The following RASGEF1C variants were observed in gnomAD, a reference collection of about 807,000 sequenced individuals.
RASGEF1C encodes RasGEF domain family member 1C.
In RASGEF1C, 27 loss-of-function variants were observed where a neutral mutation model predicts 58.1. The ratio of observed to expected loss-of-function variants is 0.46; its 90% CI spans 0.34 to 0.64. The LOEUF is 0.64. Among genes scored for constraint, RASGEF1C ranks in the 30% least tolerant of loss-of-function variants. RASGEF1C has a pLI of 0.01. For missense variants in RASGEF1C, 502 were observed against 605.1 expected (o/e 0.83, Z 1.79); for synonymous variants, 243 against 246.3 (o/e 0.99, Z 0.13).
chr5:180,128,642 G>A, intron 4 of RASGEF1C, 32 bp from the exon 5 acceptor site: 2 of 1,601,632 alleles, frequency 1.2e-6, no homozygotes, highest in Non-Finnish European at 1.7e-6. Context: ...GCTCAGGACT[G>A]AACACTCATC....
At chr5:180,129,885 A>G (rs545044483) in intron 4 of RASGEF1C, among the ~76,000 whole-genome samples, 2 of 152,298 alleles carry the variant, frequency 1.3e-5, no homozygotes, top group East Asian at 3.9e-4. Flanking sequence ...TTCCTTGGAA[A>G]TAGGGGTTTC....
At position 180,101,360 on chromosome 5, in the gene RASGEF1C, G is replaced by T; in HGVS notation, c.*141C>A. On this transcript the variant is annotated 3_prime_UTR_variant, in exon 14 of 14. Coordinates refer to ENST00000361132, the MANE Select transcript of RASGEF1C (RefSeq NM_175062.4). ...GCCCGTATGGCCACTGTGGGGGGGG[G>T]GGGGGCGGGCAGCAGGCCACAGGGT... is the stretch of plus-strand genomic sequence containing the variant. 6.4e-6 allele frequency: 6 copies of T among 943,606 alleles called. No individual in the cohort carries two copies. Among genetic ancestry groups the T allele is most frequent in the South Asian group, 3.0e-5 (2 of 65,766 alleles). The allele number at this position is 943,606 out of a possible 1,614,324, so 58.5% of individuals were successfully genotyped here.
rs1766492864 is a variant in RASGEF1C at position 180,137,023 on chromosome 5, C to T, written c.301-508G>A. Among the ~76,000 whole-genome samples the T allele has an allele frequency of 6.6e-6, 1 of 152,148 alleles. No individual in the cohort carries two copies. Among genetic ancestry groups the T allele is most frequent in the South Asian group, 2.1e-4 (1 of 4,832 alleles). Reference sequence around the variant, plus strand: ...TGGAGGCGGCCAAGCGCCACACCAGCCAGCCCGAGGGAGGCCAGCCCCGGG... The same window carrying T: ...TGGAGGCGGCCAAGCGCCACACCAGTCAGCCCGAGGGAGGCCAGCCCCGGG... On this transcript the variant is annotated intron_variant, in intron 3 of 13. Transcript: ENST00000361132. The surrounding 1 kb of genome is among the most constrained non-coding windows in gnomAD (Gnocchi z 4.1).
rs1582263939 is a variant in RASGEF1C, at chr5:180,116,977, A to G, written c.1083+1632T>C. On this transcript the variant is annotated intron_variant, in intron 10 of 13. Coordinates refer to ENST00000361132, the MANE Select transcript of RASGEF1C (RefSeq NM_175062.4). ...CGAGACTCAGTCTGCTGATCTGGGA[A>G]TTGGCAATGCTGATGCCCCCATAGA... Among the ~76,000 whole-genome samples, 3 of 152,334 alleles carry G rather than the reference A, an allele frequency of 2.0e-5. No homozygotes were observed. The East Asian group carries it at 5.8e-4, about 29-fold the overall frequency.
intron 1 of RASGEF1C, among the ~76,000 whole-genome samples, chr5:180,144,869 A>G (rs754675984): frequency 1.3e-4 from 20 of 152,232 alleles, no homozygotes; most frequent in Non-Finnish European, 2.2e-4. Flanking sequence ...TATTTTTACC[A>G]TTCTGGGTAC....
chr5:180,169,214 A>G (rs946561668), intron 1 of RASGEF1C, among the ~76,000 whole-genome samples: 5 of 152,356 alleles, frequency 3.3e-5, no homozygotes, highest in Non-Finnish European at 4.4e-5. Context: ...GGAATATAAT[A>G]TTTCATTACA....
At chr5:180,204,829 A>G (rs967305114) in intron 1 of RASGEF1C, among the ~76,000 whole-genome samples, 1 of 152,208 alleles carries the variant, frequency 6.6e-6, no homozygotes, top group Non-Finnish European at 1.5e-5. Context: ...AAGCATAAAA[A>G]TCAGTAGAGA....
intron 12 of RASGEF1C, among the ~76,000 whole-genome samples, chr5:180,104,355 C>G (rs1765842585): frequency 1.3e-5 from 2 of 152,162 alleles, no homozygotes; most frequent in South Asian, 4.1e-4. Context: ...CCCCTTTTTG[C>G]CCATCTGCCA....
rs552987162 is a variant in RASGEF1C at position 180,109,260 on chromosome 5, T to C, written c.1303+2197A>G. On this transcript the variant is annotated intron_variant, in intron 12 of 13. Transcript: ENST00000361132. Reference sequence around the variant, plus strand: ...TCATGAGGTCAGGAGATTGAGACCATCCTGGCTAACATGGTGAAACCCCGT... The same window carrying C: ...TCATGAGGTCAGGAGATTGAGACCACCCTGGCTAACATGGTGAAACCCCGT... Among the ~76,000 whole-genome samples the C allele has an allele frequency of 4.6e-5, 7 of 152,062 alleles. No homozygotes were observed. In the South Asian group the frequency reaches 1.2e-3, roughly 27 times the overall value.
At chr5:180,187,124 T>C (rs1170857627) in intron 1 of RASGEF1C, among the ~76,000 whole-genome samples, 2 of 152,224 alleles carry the variant, frequency 1.3e-5, no homozygotes, top group African/African-American at 4.8e-5. Context: ...AGTGTGGTAC[T>C]GGCCAGTTGA....
At chr5:180,206,545 A>G (rs1277541909) in intron 1 of RASGEF1C, among the ~76,000 whole-genome samples, 1 of 152,244 alleles carries the variant, frequency 6.6e-6, no homozygotes, top group Admixed American at 6.5e-5. Context: ...GGACTAGCTA[A>G]CAAAATAAAT....
chr5:180,118,716 C>T lies in RASGEF1C; in HGVS notation c.988-12G>A, dbSNP rs1561733297. 1.2e-6 allele frequency: 2 copies of T among 1,614,142 alleles called. No homozygotes were observed. The highest frequency in any genetic ancestry group is 1.7e-6 in the Non-Finnish European group (2 of 1,179,980). Reference sequence around the variant, plus strand: ...GGGTCCATCTGGTGCTGGAAGGAGACAGGGAGGCATGTGGGCAGTTCTGTC... The same window carrying T: ...GGGTCCATCTGGTGCTGGAAGGAGATAGGGAGGCATGTGGGCAGTTCTGTC... On this transcript the variant is annotated splice_polypyrimidine_tract_variant and intron_variant, in intron 9 of 13. Transcript: ENST00000361132.
At chr5:180,134,318 G>T (rs1766428970) in intron 4 of RASGEF1C, among the ~76,000 whole-genome samples, 1 of 152,020 alleles carries the variant, frequency 6.6e-6, no homozygotes, top group Non-Finnish European at 1.5e-5. Flanking sequence ...ACACAGCCTG[G>T]TGACAGACCT....
chr5:180,190,521 T>C (rs1392500967), intron 1 of RASGEF1C, among the ~76,000 whole-genome samples: 1 of 117,648 alleles, frequency 8.5e-6, no homozygotes, highest in African/African-American at 3.0e-5. Flanking sequence ...ATAATAATAA[T>C]AATAATAATT....
At position 180,209,172 on chromosome 5, in the gene RASGEF1C, C is replaced by T. The variant is rs1192074222; in HGVS notation, c.-151G>A. ...CCGCCCGACCGCCCGGCTCCCAGCG[C>T]AGCCCGCACGAGCGCCTGGCGGCGG... On this transcript the variant is annotated 5_prime_UTR_variant, in exon 1 of 14. Coordinates refer to ENST00000361132, the MANE Select transcript of RASGEF1C (RefSeq NM_175062.4). 2 of 146,784 alleles carry T rather than the reference C, an allele frequency of 1.4e-5. No individual in the cohort carries two copies. Among genetic ancestry groups the T allele is most frequent in the African/African-American group, 2.4e-5 (1 of 40,826 alleles). 9.1% of individuals were successfully genotyped at this position (146,784 alleles called of 1,614,324 possible). A position where few individuals can be genotyped will look rare whatever the true frequency, so the allele number is the denominator to read the frequency against.
At chr5:180,115,290 T>TAAAA in intron 10 of RASGEF1C, 4 of 397,518 alleles carry the variant, frequency 1.0e-5, no homozygotes, top group South Asian at 3.6e-5. Flanking sequence ...GCCTCCTTTT[T>TAAAA]AAAAAAAAAA....
At chr5:180,136,772 G>C in intron 3 of RASGEF1C, 1 of 500,442 alleles carries the variant, frequency 2.0e-6, no homozygotes, top group Non-Finnish European at 3.6e-6. Flanking sequence ...GTGAGTCTTC[G>C]CGCTGCGGGG....
At position 180,207,416 on chromosome 5, in the gene RASGEF1C, A is replaced by T. The variant is rs529445876; in HGVS notation, c.-7+1612T>A. ...ACTAAGCCCGGGTCCCACGCAAGGA[A>T]CCAAGGCCCCTTGGACAAATGGCTG... On this transcript the variant is annotated intron_variant, in intron 1 of 13. Coordinates refer to ENST00000361132, the MANE Select transcript of RASGEF1C (RefSeq NM_175062.4). 9.8e-5 allele frequency among the ~76,000 whole-genome samples: 15 copies of T among 152,310 alleles called. No individual in the cohort carries two copies. The East Asian group carries it at 2.7e-3, about 28-fold the overall frequency.
chr5:180,153,850 T>C (rs1168290551), intron 1 of RASGEF1C, among the ~76,000 whole-genome samples: 1 of 152,158 alleles, frequency 6.6e-6, no homozygotes, highest in Non-Finnish European at 1.5e-5. Flanking sequence ...TTGCTCTATC[T>C]CTCCATCAGG....
Sources: allele counts gnomAD v4.1 joint callset (sites outside exome capture counted in the v4.1 genomes callset), GRCh38; gene constraint gnomAD v4.1.1; non-coding constraint Gnocchi (gnomAD v3.1); transcripts MANE v1.5; gene names NCBI Gene and HGNC (gene_info 2026-07-23, HGNC 2026-07-21).